CACNA2D3: variants seen among roughly 807,000 people sequenced by gnomAD.
The protein encoded by CACNA2D3 is calcium voltage-gated channel auxiliary subunit alpha2delta 3.
In CACNA2D3, 60 loss-of-function variants were observed where a neutral mutation model predicts 160.6. The ratio of observed to expected loss-of-function variants is 0.37; its 90% CI spans 0.30 to 0.46. CACNA2D3 has a LOEUF of 0.46. Ranked by LOEUF, CACNA2D3 falls within the 20% of genes least tolerant of loss-of-function variation. CACNA2D3 has a pLI of 1.00. For synonymous variants in CACNA2D3, 558 were observed against 492.9 expected (o/e 1.13, Z -1.75); for missense variants, 1,205 against 1,365.0 (o/e 0.88, Z 1.85).
At chr3:55,014,680 C>T (rs1280464121) in intron 34 of CACNA2D3, among the ~76,000 whole-genome samples, 2 of 152,064 alleles carry the variant, frequency 1.3e-5, no homozygotes, top group African/African-American at 2.4e-5. Flanking sequence ...TGCAGTGAGC[C>T]GAGATCACAG....
chr3:54,254,941 C>G (rs1473766090), intron 2 of CACNA2D3, among the ~76,000 whole-genome samples: 1 of 152,202 alleles, frequency 6.6e-6, no homozygotes. Flanking sequence ...CTCAAAGGTG[C>G]TGCCAAATGC....
At chr3:54,530,885 T>C (rs1440387686) in intron 5 of CACNA2D3, among the ~76,000 whole-genome samples, 13 of 152,224 alleles carry the variant, frequency 8.5e-5, no homozygotes, top group Admixed American at 8.5e-4. Context: ...GGTCTCTCCC[T>C]GAGTCATACA....
intron 18 of CACNA2D3, 97 bp downstream of exon 18, chr3:54,871,719 G>T (rs367981434): frequency 1.4e-5 from 12 of 860,226 alleles, no homozygotes; most frequent in African/African-American, 1.2e-4. Flanking sequence ...GAGGCCCACT[G>T]AAGGGACACC....
chr3:54,433,209 A>G (rs772218457), intron 4 of CACNA2D3, among the ~76,000 whole-genome samples: 2 of 152,094 alleles, frequency 1.3e-5, no homozygotes, highest in Non-Finnish European at 2.9e-5. Flanking sequence ...CTATGACTGG[A>G]GGGGGATTTA....
In CACNA2D3 at chr3:54,294,775, C is replaced by T. The variant is rs540896340; in HGVS notation, c.205-25667C>T. ...ATAAAGAGATAGAGCTGGAGATTGC[C>T]TGGACTGCAGAGGAAGGCAGCAGAC... is the stretch of plus-strand genomic sequence containing the variant. On this transcript the variant is annotated intron_variant, in intron 2 of 37. Coordinates refer to ENST00000474759, the MANE Select transcript of CACNA2D3 (RefSeq NM_018398.3). Among the ~76,000 whole-genome samples the T allele has an allele frequency of 1.1e-4, 16 of 152,290 alleles. No homozygotes were observed. In the South Asian group the frequency reaches 2.7e-3, roughly 26 times the overall value.
chr3:54,466,798 G>T (rs1378134283), intron 4 of CACNA2D3, among the ~76,000 whole-genome samples: 1 of 152,142 alleles, frequency 6.6e-6, no homozygotes, highest in Non-Finnish European at 1.5e-5. Flanking sequence ...CTAGAAAAGT[G>T]GGTGTCCTTC....
intron 5 of CACNA2D3, among the ~76,000 whole-genome samples, chr3:54,552,113 C>T (rs1229419116): frequency 6.6e-6 from 1 of 152,168 alleles, no homozygotes; most frequent in East Asian, 1.9e-4. Flanking sequence ...CAGCATACCT[C>T]AAGTCCAAAT....
At chr3:54,598,164 C>T (rs915472333) in intron 9 of CACNA2D3, among the ~76,000 whole-genome samples, 16 of 150,834 alleles carry the variant, frequency 1.1e-4, no homozygotes, top group South Asian at 2.1e-4. Flanking sequence ...AAAAATTAGC[C>T]GGGCATGGCG....
intron 4 of CACNA2D3, among the ~76,000 whole-genome samples, chr3:54,491,667 TATAA>T (rs1284204086): frequency 1.3e-5 from 2 of 152,210 alleles, no homozygotes; most frequent in Non-Finnish European, 2.9e-5. Flanking sequence ...TGCCTGTTTT[TATAA>T]ATAAAGTTGT....
At chr3:54,448,962 T>C (rs1204174091) in intron 4 of CACNA2D3, among the ~76,000 whole-genome samples, 1 of 152,242 alleles carries the variant, frequency 6.6e-6, no homozygotes, top group Non-Finnish European at 1.5e-5. Flanking sequence ...AAATGAGTAC[T>C]CTGGAACAAT....
chr3:55,009,467 TC>T, intron 34 of CACNA2D3, 24 bp downstream of exon 34: 1 of 1,611,286 alleles, frequency 6.2e-7, no homozygotes, highest in Non-Finnish European at 8.5e-7. Flanking sequence ...GGTTTCTGTT[TC>T]CCAGCTTGGA....
intron 2 of CACNA2D3, among the ~76,000 whole-genome samples, chr3:54,212,175 G>A (rs575262103): frequency 3.9e-5 from 6 of 152,336 alleles, no homozygotes; most frequent in South Asian, 2.1e-4. Flanking sequence ...GGATGGACCC[G>A]TGACACAGCC....
At chr3:54,293,647 A>G (rs751051224) in intron 2 of CACNA2D3, among the ~76,000 whole-genome samples, 8 of 152,186 alleles carry the variant, frequency 5.3e-5, no homozygotes, top group Non-Finnish European at 1.0e-4. Context: ...GGCATACACA[A>G]CACCCACAGA....
intron 10 of CACNA2D3, chr3:54,632,080 A>G (rs1160521305): frequency 6.6e-6 from 1 of 152,200 alleles, no homozygotes; most frequent in Non-Finnish European, 1.5e-5. Flanking sequence ...CACTCTCGCT[A>G]TTCAATAAAG....
intron 2 of CACNA2D3, among the ~76,000 whole-genome samples, chr3:54,133,806 T>C (rs2107257015): frequency 1.3e-5 from 2 of 152,304 alleles, no homozygotes; most frequent in East Asian, 3.9e-4. Flanking sequence ...GTATTCCCCA[T>C]TAAGGTAATG....
intron 15 of CACNA2D3, 35 bp downstream of exon 15, chr3:54,837,265 A>AG: frequency 1.3e-6 from 2 of 1,592,570 alleles, no homozygotes; most frequent in Non-Finnish European, 1.7e-6. Flanking sequence ...GCTTGATGCT[A>AG]GGAGGGTGGT....
chr3:54,154,151 C>G (rs544125164), intron 2 of CACNA2D3, among the ~76,000 whole-genome samples: 1 of 152,330 alleles, frequency 6.6e-6, no homozygotes, highest in South Asian at 2.1e-4. Context: ...CTTTTACATC[C>G]AGATACTTAT....
At chr3:54,769,744 G>A (rs1252028209) in intron 13 of CACNA2D3, among the ~76,000 whole-genome samples, 1 of 152,148 alleles carries the variant, frequency 6.6e-6, no homozygotes, top group Non-Finnish European at 1.5e-5. Context: ...TTCTTTCTTT[G>A]AGCTGGGTCT....
At chr3:54,324,213 T>A (rs896058792) in intron 3 of CACNA2D3, among the ~76,000 whole-genome samples, 3 of 152,188 alleles carry the variant, frequency 2.0e-5, no homozygotes, top group African/African-American at 7.2e-5. Context: ...TCTGGCTTGA[T>A]TTCATCATTT....
Sources: allele counts gnomAD v4.1 joint callset (sites outside exome capture counted in the v4.1 genomes callset), GRCh38; gene constraint gnomAD v4.1.1; transcripts MANE v1.5; gene names NCBI Gene and HGNC (gene_info 2026-07-23, HGNC 2026-07-21).